TMEM131L: variants seen among roughly 807,000 people sequenced by gnomAD.
TMEM131L encodes the protein transmembrane 131 like, also known as transmembrane protein 131-like.
TMEM131L carries 54 observed loss-of-function variants against 192.2 expected under a neutral mutation model. That is an observed-to-expected ratio of 0.28 (90% CI 0.23 to 0.35). The LOEUF (loss-of-function observed/expected upper bound fraction) is 0.35, where lower values mean the gene tolerates loss of function less well. Among genes scored for constraint, TMEM131L ranks in the 10% least tolerant of loss-of-function variants. The pLI, the probability that TMEM131L is intolerant of heterozygous loss-of-function variation, is 1.00. For missense variants in TMEM131L, 1,888 were observed against 1,972.9 expected (o/e 0.96, Z 0.82); for synonymous variants, 701 against 704.9 (o/e 0.99, Z 0.09).
chr4:153,493,684 C>A (rs1732962952), intron 3 of TMEM131L, among the ~76,000 whole-genome samples: 1 of 152,032 alleles, frequency 6.6e-6, no homozygotes, highest in Non-Finnish European at 1.5e-5. Context: ...CGCTTGGAGC[C>A]AGACCGTCTG....
At position 153,603,818 on chromosome 4, in the gene TMEM131L, T is replaced by A. The variant is rs771374128; in HGVS notation, c.2806T>A (p.Phe936Ile). 2.5e-6 allele frequency: 4 copies of A among 1,580,376 alleles called. No homozygotes were observed. In the South Asian group the frequency reaches 4.7e-5, roughly 18 times the overall value. ...PHSYKSNCKN[F>I]LDTYGPSDKG... is the part of the protein sequence containing the mutation. ...TAAATTCAGAAGCAATTGCAAGAAC[T>A]TTCTCGATACATATGGCCCCTCTGA... Residue 936 changes from phenylalanine (F) to isoleucine (I), a missense_variant, in exon 25 of 35, where the codon TTT becomes ATT. Phe to Ile is a conservative substitution (Grantham distance 21, BLOSUM62 0). Transcript: ENST00000409959.
chr4:153,623,366 G>T (rs910804423), intron 29 of TMEM131L, among the ~76,000 whole-genome samples: 2 of 152,124 alleles, frequency 1.3e-5, no homozygotes, highest in Admixed American at 1.3e-4. Flanking sequence ...TAATGACACC[G>T]CATTTGCCAT....
intron 3 of TMEM131L, among the ~76,000 whole-genome samples, chr4:153,542,233 A>C (rs1446301354): frequency 2.6e-5 from 4 of 152,100 alleles, no homozygotes; most frequent in African/African-American, 9.7e-5. Context: ...GCAGAGGAAG[A>C]GGAGTTAGAA....
chr4:153,474,357 C>T (rs1731376044), intron 3 of TMEM131L, among the ~76,000 whole-genome samples: 1 of 152,188 alleles, frequency 6.6e-6, no homozygotes, highest in African/African-American at 2.4e-5. Flanking sequence ...AGGTGACATT[C>T]CAGCTGAAGC....
chr4:153,471,348 G>A (rs1189034614), intron 2 of TMEM131L, among the ~76,000 whole-genome samples: 1 of 152,096 alleles, frequency 6.6e-6, no homozygotes, highest in Non-Finnish European at 1.5e-5. Context: ...GTTCTCCTTT[G>A]AGGGGCTGGG....
At chr4:153,512,257 C>G (rs978234229) in intron 3 of TMEM131L, among the ~76,000 whole-genome samples, 1 of 152,138 alleles carries the variant, frequency 6.6e-6, no homozygotes, top group African/African-American at 2.4e-5. Context: ...TTTAAAATTA[C>G]AGTGTGAAAA....
intron 3 of TMEM131L, among the ~76,000 whole-genome samples, chr4:153,503,740 T>TA (rs1399304648): frequency 1.3e-5 from 2 of 152,200 alleles, no homozygotes; most frequent in Non-Finnish European, 2.9e-5. Flanking sequence ...TCTGTCTTGC[T>TA]AGCCTCATTG....
At chr4:153,595,547 A>G (rs1731370826) in intron 19 of TMEM131L, among the ~76,000 whole-genome samples, 1 of 152,208 alleles carries the variant, frequency 6.6e-6, no homozygotes, top group African/African-American at 2.4e-5. Context: ...AAAAACAAAG[A>G]GAAATAATAT....
intron 2 of TMEM131L, among the ~76,000 whole-genome samples, chr4:153,470,629 C>T (rs745730627): frequency 1.2e-4 from 18 of 152,194 alleles, no homozygotes; most frequent in African/African-American, 4.3e-4. Context: ...GGTGTGGAAA[C>T]CAAACAGGTG....
At chr4:153,581,033 C>A in intron 8 of TMEM131L, 130 bp downstream of exon 8, 1 of 627,096 alleles carries the variant, frequency 1.6e-6, no homozygotes, top group Admixed American at 2.7e-5. Context: ...GCGAGTGGAT[C>A]ACGAGGTCAG....
chr4:153,633,955 G>A (rs147633435), intron 32 of TMEM131L, among the ~76,000 whole-genome samples: 6 of 152,308 alleles, frequency 3.9e-5, no homozygotes, highest in African/African-American at 1.4e-4. Flanking sequence ...GACTTAACAA[G>A]CATAGTTAAA....
chr4:153,470,997 T>C (rs901850638), intron 2 of TMEM131L, among the ~76,000 whole-genome samples: 1 of 151,768 alleles, frequency 6.6e-6, no homozygotes, highest in Non-Finnish European at 1.5e-5. Flanking sequence ...GTTTTCTTTT[T>C]TTTTTTTGAG....
intron 7 of TMEM131L, among the ~76,000 whole-genome samples, chr4:153,569,988 T>C (rs1331062383): frequency 2.0e-5 from 3 of 152,184 alleles, no homozygotes; most frequent in Non-Finnish European, 4.4e-5. Context: ...TTTGAAGTCC[T>C]CTTCAATTTC....
At chr4:153,570,108 T>A (rs1021787945) in intron 7 of TMEM131L, among the ~76,000 whole-genome samples, 4 of 152,218 alleles carry the variant, frequency 2.6e-5, no homozygotes, top group Non-Finnish European at 4.4e-5. Context: ...CTTGCTAGAA[T>A]GTGCGTGGTT....
intron 7 of TMEM131L, among the ~76,000 whole-genome samples, chr4:153,577,794 A>G (rs1303181752): frequency 6.6e-6 from 1 of 152,210 alleles, no homozygotes; most frequent in Admixed American, 6.5e-5. Flanking sequence ...AAACAACTGG[A>G]TAAATAATGA....
At chr4:153,582,782 C>G (rs1039552742) in intron 9 of TMEM131L, among the ~76,000 whole-genome samples, 25 of 152,046 alleles carry the variant, frequency 1.6e-4, no homozygotes, top group African/African-American at 6.0e-4. Context: ...AACCTGAGAT[C>G]TCAGGATTTT....
intron 14 of TMEM131L, among the ~76,000 whole-genome samples, chr4:153,587,248 G>A (rs1247839379): frequency 1.3e-5 from 2 of 151,976 alleles, no homozygotes; most frequent in African/African-American, 2.4e-5. Context: ...TATACCTGTA[G>A]GAAATGGGAA....
intron 29 of TMEM131L, among the ~76,000 whole-genome samples, chr4:153,624,187 C>T (rs539017415): frequency 3.4e-5 from 5 of 148,754 alleles, no homozygotes; most frequent in South Asian, 2.2e-4. Flanking sequence ...GGTGGGATCT[C>T]GGCTCACTGC....
chr4:153,514,387 G>T (rs773225420), intron 3 of TMEM131L, among the ~76,000 whole-genome samples: 3 of 152,188 alleles, frequency 2.0e-5, no homozygotes, highest in Non-Finnish European at 2.9e-5. Flanking sequence ...GTAGAGAATT[G>T]CTTTTTAAAT....
Sources: gnomAD v4.1 joint callset for allele counts (sites outside exome capture counted in the v4.1 genomes callset) on GRCh38, gnomAD v4.1.1 for gene constraint, MANE v1.5 for transcripts, NCBI Gene and HGNC (gene_info 2026-07-23, HGNC 2026-07-21) for gene names.